The following NAALADL2 variants were observed in gnomAD, a reference collection of about 807,000 sequenced individuals.
The protein encoded by NAALADL2 is inactive N-acetylated-alpha-linked acidic dipeptidase-like protein 2.
Under a neutral mutation model 87.2 loss-of-function variants are expected in NAALADL2, and 76 were observed. That is an observed-to-expected ratio of 0.87 (90% CI 0.72 to 1.05). The LOEUF is 1.05. NAALADL2 is among the 50% of genes least tolerant of loss of function. The pLI is 0.00. For synonymous variants in NAALADL2, 354 were observed against 331.0 expected (o/e 1.07, Z -0.75); for missense variants, 1,089 against 945.8 (o/e 1.15, Z -1.99).
At chr3:175,392,264 T>G (rs1769172740) in intron 5 of NAALADL2, among the ~76,000 whole-genome samples, 1 of 152,218 alleles carries the variant, frequency 6.6e-6, no homozygotes, top group Non-Finnish European at 1.5e-5. Context: ...CCTGGATGTG[T>G]AATGAACACT....
At chr3:174,888,835 T>A (rs977522260) in intron 1 of NAALADL2, among the ~76,000 whole-genome samples, 1 of 152,244 alleles carries the variant, frequency 6.6e-6, no homozygotes, top group Non-Finnish European at 1.5e-5. Context: ...ACATATAAAT[T>A]GAGTCAAAAT....
chr3:174,492,136 G>A (rs1718233676), intron 1 of NAALADL2, among the ~76,000 whole-genome samples: 1 of 152,026 alleles, frequency 6.6e-6, no homozygotes, highest in Non-Finnish European at 1.5e-5. Context: ...CGGGTGTGGT[G>A]GCGGGTGCCT....
chr3:174,799,125 G>A lies in NAALADL2; in HGVS notation c.-9+61379G>A, dbSNP rs141138966. Among the ~76,000 whole-genome samples the A allele has an allele frequency of 1.4e-3, 207 of 151,264 alleles. 3 individuals are homozygous for A. The East Asian group carries it at 0.033, about 24-fold the overall frequency. ...GCGGAGGTTGCATTGAGCCATGATC[G>A]TGCCACTGCACTCCAGCCTGGGCGA... On this transcript the variant is annotated intron_variant, in intron 3 of 3. Coordinates refer to the NAALADL2 transcript ENST00000434257.
chr3:174,774,404 C>G (rs1208045409), intron 3 of NAALADL2, among the ~76,000 whole-genome samples: 3 of 152,154 alleles, frequency 2.0e-5, no homozygotes, highest in African/African-American at 7.2e-5. Flanking sequence ...GAATCCCTTT[C>G]CTGAGGGGAC....
At chr3:174,730,807 T>C (rs1001021945) in intron 2 of NAALADL2, among the ~76,000 whole-genome samples, 6 of 152,100 alleles carry the variant, frequency 3.9e-5, no homozygotes, top group Admixed American at 2.6e-4. Flanking sequence ...TAAGAAGTAG[T>C]TTTTTTAATG....
At chr3:175,592,339 T>G (rs1388935714) in intron 10 of NAALADL2, among the ~76,000 whole-genome samples, 1 of 150,734 alleles carries the variant, frequency 6.6e-6, no homozygotes, top group Non-Finnish European at 1.5e-5. Context: ...GCTACTCTAT[T>G]GCTGAGTTCA....
chr3:175,588,167 A>G (rs1720822189), intron 10 of NAALADL2, among the ~76,000 whole-genome samples: 1 of 152,132 alleles, frequency 6.6e-6, no homozygotes, highest in Non-Finnish European at 1.5e-5. Context: ...TAGGAAAAGT[A>G]TGTATATTCT....
chr3:175,396,067 G>C (rs976002576), intron 5 of NAALADL2, among the ~76,000 whole-genome samples: 1 of 152,108 alleles, frequency 6.6e-6, no homozygotes, highest in African/African-American at 2.4e-5. Flanking sequence ...ATTAGTTGAT[G>C]AATAGCAATG....
intron 1 of NAALADL2, among the ~76,000 whole-genome samples, chr3:174,871,026 C>T (rs1365281291): frequency 6.6e-6 from 1 of 152,096 alleles, no homozygotes; most frequent in African/African-American, 2.4e-5. Context: ...GGTGATAAAG[C>T]TCTGAACAAG....
intron 1 of NAALADL2, among the ~76,000 whole-genome samples, chr3:174,979,304 C>CTTTTTTTTTTTTT (rs5854604): frequency 1.3e-3 from 138 of 105,164 alleles, no homozygotes; most frequent in African/African-American, 2.8e-3. Context: ...TCTTTCTTTT[C>CTTTTTTTTTTTTT]TTTTTTTTTT....
At chr3:174,772,897 A>T (rs2109114718) in intron 3 of NAALADL2, among the ~76,000 whole-genome samples, 1 of 152,344 alleles carries the variant, frequency 6.6e-6, no homozygotes, top group African/African-American at 2.4e-5. Flanking sequence ...CACTCTAGAG[A>T]GTAATTCTAA....
intron 2 of NAALADL2, among the ~76,000 whole-genome samples, chr3:174,701,399 T>C (rs1159621391): frequency 6.6e-6 from 1 of 151,970 alleles, no homozygotes; most frequent in Non-Finnish European, 1.5e-5. Flanking sequence ...CCAAATAATA[T>C]ATACAGATAA....
At chr3:175,353,279 G>T (rs140779058) in intron 5 of NAALADL2, among the ~76,000 whole-genome samples, 2 of 151,910 alleles carry the variant, frequency 1.3e-5, no homozygotes, top group African/African-American at 4.8e-5. Flanking sequence ...GGTTGAGGTC[G>T]GAGGATCTCT....
chr3:175,625,765 C>G (rs989279849), intron 10 of NAALADL2, among the ~76,000 whole-genome samples: 1 of 151,908 alleles, frequency 6.6e-6, no homozygotes, highest in Non-Finnish European at 1.5e-5. Context: ...CTGGAACTCA[C>G]TGGTTCTCAT....
intron 2 of NAALADL2, among the ~76,000 whole-genome samples, chr3:175,140,335 G>A (rs186773567): frequency 6.6e-6 from 1 of 152,106 alleles, no homozygotes; most frequent in African/African-American, 2.4e-5. Flanking sequence ...ACTAGAAAAT[G>A]TACTATATGC....
At chr3:174,781,983 G>A (rs1410209876) in intron 3 of NAALADL2, among the ~76,000 whole-genome samples, 1 of 152,058 alleles carries the variant, frequency 6.6e-6, no homozygotes, top group Admixed American at 6.6e-5. Context: ...TATGCCCCAG[G>A]AGACAGTACA....
At chr3:175,603,014 C>T (rs1029756316) in intron 10 of NAALADL2, among the ~76,000 whole-genome samples, 10 of 152,054 alleles carry the variant, frequency 6.6e-5, no homozygotes, top group African/African-American at 2.4e-4. Context: ...TGTTCTTTTA[C>T]CTTAAATGTG....
chr3:174,803,458 G>A (rs1466282744), intron 3 of NAALADL2, among the ~76,000 whole-genome samples: 1 of 152,072 alleles, frequency 6.6e-6, no homozygotes, highest in African/African-American at 2.4e-5. Context: ...TTCTTTTGCT[G>A]TGCAGAAGCT....
intron 4 of NAALADL2, among the ~76,000 whole-genome samples, chr3:175,310,880 G>T (rs1758275600): frequency 6.6e-6 from 1 of 151,332 alleles, no homozygotes. Flanking sequence ...ATTATTTTCT[G>T]TTCCTTTTGA....
Sources: gnomAD v4.1 joint callset for allele counts (sites outside exome capture counted in the v4.1 genomes callset) on GRCh38, gnomAD v4.1.1 for gene constraint, MANE v1.5 for transcripts, NCBI Gene and HGNC (gene_info 2026-07-23, HGNC 2026-07-21) for gene names.